VANGL1: variants seen among roughly 807,000 people sequenced by gnomAD.
The protein encoded by VANGL1 is VANGL planar cell polarity protein 1.
A neutral mutation model predicts 48.4 loss-of-function variants in VANGL1; 18 were observed. The ratio of observed to expected loss-of-function variants is 0.37; its 90% confidence interval spans 0.26 to 0.55. VANGL1 has a LOEUF of 0.55. VANGL1 is among the 20% of genes least tolerant of loss of function. The pLI is 0.81. For missense variants in VANGL1, 667 were observed against 675.8 expected (o/e 0.99, Z 0.14); for synonymous variants, 257 against 261.8 (o/e 0.98, Z 0.18).
intron 7 of VANGL1, 75 bp downstream of exon 7, chr1:115,685,602 G>A (rs1653575794): frequency 2.1e-6 from 3 of 1,418,586 alleles, no homozygotes; most frequent in African/African-American, 2.8e-5. Context: ...ATTATAGCGT[G>A]TTACTAGAAG....
intron 4 of VANGL1, among the ~76,000 whole-genome samples, chr1:115,673,861 A>G (rs1653071634): frequency 6.6e-6 from 1 of 151,878 alleles, no homozygotes; most frequent in Admixed American, 6.5e-5. Flanking sequence ...CGGCCTCCCA[A>G]AGTGCTGGGA....
intron 3 of VANGL1, among the ~76,000 whole-genome samples, chr1:115,662,318 G>A (rs1462577571): frequency 6.6e-6 from 1 of 152,042 alleles, no homozygotes; most frequent in Non-Finnish European, 1.5e-5. Flanking sequence ...TTTCTAAGTT[G>A]GTGTCCTAAT....
intron 3 of VANGL1, among the ~76,000 whole-genome samples, chr1:115,663,030 C>T (rs1195748161): frequency 1.3e-5 from 2 of 152,116 alleles, no homozygotes; most frequent in African/African-American, 4.8e-5. Context: ...CCTGATCCGT[C>T]CGCCTCGGCC....
Position 115,692,939 on chromosome 1 carries a change from C to G in VANGL1, c.*1560C>G, listed in dbSNP as rs1252350698. ...TGCTCTTTGTATGTGTGCACACCCC[C>G]TTACTCCCTTACTGCTTCATACACT... is the stretch of plus-strand genomic sequence containing the variant. On this transcript the variant is annotated 3_prime_UTR_variant, in exon 8 of 8. Coordinates refer to ENST00000355485, the MANE Select transcript of VANGL1 (RefSeq NM_138959.3). 6.6e-6 allele frequency: 1 copy of G among 152,234 alleles called. No homozygotes were observed. The highest frequency in any genetic ancestry group is 6.5e-5 in the Admixed American group (1 of 15,284). 9.4% of individuals were successfully genotyped at this position (152,234 alleles called of 1,614,324 possible).
intron 4 of VANGL1, among the ~76,000 whole-genome samples, chr1:115,669,446 C>G (rs1652897542): frequency 6.6e-6 from 1 of 152,192 alleles, no homozygotes; most frequent in East Asian, 1.9e-4. Flanking sequence ...GTGTCCCCAC[C>G]CAAATCTCAT....
In VANGL1 at chr1:115,698,178, C is replaced by T. The variant is rs1312958940; in HGVS notation, c.*6799C>T. ...TAACTGTAAAATGTTTTACACATCA[C>T]ATTTTTTATACTGTAAACTTGGAAA... On this transcript the variant is annotated 3_prime_UTR_variant, in exon 8 of 8. Coordinates refer to ENST00000355485, the MANE Select transcript of VANGL1 (RefSeq NM_138959.3). The T allele has an allele frequency of 6.6e-6, 1 of 152,202 alleles. No individual in the cohort carries two copies. The highest frequency in any genetic ancestry group is 1.5e-5 in the Non-Finnish European group (1 of 68,032). The allele number at this position is 152,202 out of a possible 1,614,324, so 9.4% of individuals were successfully genotyped here.
intron 7 of VANGL1, among the ~76,000 whole-genome samples, chr1:115,685,758 GGACAGTATGGAATAGTGATTGGA>G (rs1465669843): frequency 6.6e-6 from 1 of 152,112 alleles, no homozygotes; most frequent in Non-Finnish European, 1.5e-5. Flanking sequence ...TTCGCTTGGA[GGACAGTATGGAATAGTGATTGGA>G]GACAGTATGG....
intron 4 of VANGL1, among the ~76,000 whole-genome samples, chr1:115,668,007 C>G (rs2101010557): frequency 6.6e-6 from 1 of 152,310 alleles, no homozygotes; most frequent in Non-Finnish European, 1.5e-5. Flanking sequence ...CAGGTACCTT[C>G]TGATCTTTTA....
At position 115,691,847 on chromosome 1, in the gene VANGL1, A is replaced by G. The variant is rs548311895; in HGVS notation, c.*468A>G. ...GTTAATGTCCAGTATCACATCACCCATGAAAGTCGTGGGCAGTTCAGGAGA... is the reference window on the plus strand; with the variant it reads ...GTTAATGTCCAGTATCACATCACCCGTGAAAGTCGTGGGCAGTTCAGGAGA... On this transcript the variant is annotated 3_prime_UTR_variant, in exon 8 of 8. Coordinates refer to ENST00000355485, the MANE Select transcript of VANGL1 (RefSeq NM_138959.3). 1 of 160,412 alleles carries G rather than the reference A, an allele frequency of 6.2e-6. No individual in the cohort carries two copies. Among genetic ancestry groups the G allele is most frequent in the Admixed American group, 5.9e-5 (1 of 16,872 alleles). 9.9% of individuals were successfully genotyped at this position (160,412 alleles called of 1,614,324 possible).
intron 1 of VANGL1, among the ~76,000 whole-genome samples, chr1:115,649,442 A>C (rs926895280): frequency 1.1e-4 from 17 of 152,200 alleles, no homozygotes; most frequent in African/African-American, 4.1e-4. Context: ...GTCTGACTGC[A>C]GGTGAGCCTT....
rs545442276 is a variant in VANGL1, at chr1:115,675,986, C to T, written c.813-6378C>T. ...GCTAGGAGCTGTGTGTATATTCTAG[C>T]CACCAACCAACCCCATCACCGCTGC... On this transcript the variant is annotated intron_variant, in intron 4 of 7. Transcript: ENST00000355485. 4.6e-5 allele frequency among the ~76,000 whole-genome samples: 7 copies of T among 152,184 alleles called. No homozygotes were observed. The South Asian group carries it at 1.5e-3, about 32-fold the overall frequency.
At chr1:115,649,422 G>A (rs530894940) in intron 1 of VANGL1, among the ~76,000 whole-genome samples, 1 of 152,310 alleles carries the variant, frequency 6.6e-6, no homozygotes, top group African/African-American at 2.4e-5. Context: ...TGAGATGTGT[G>A]CTCCGTTCTG....
At chr1:115,674,575 T>G (rs1325133564) in intron 4 of VANGL1, among the ~76,000 whole-genome samples, 2 of 152,226 alleles carry the variant, frequency 1.3e-5, no homozygotes, top group Non-Finnish European at 2.9e-5. Context: ...TCTGTCAGCA[T>G]GTACCTAGGT....
At chr1:115,682,988 A>G (rs1052986681) in intron 5 of VANGL1, among the ~76,000 whole-genome samples, 4 of 152,200 alleles carry the variant, frequency 2.6e-5, no homozygotes, top group African/African-American at 7.2e-5. Context: ...GTTTCAGGGT[A>G]TCACATGGTT....
chr1:115,655,406 C>G (rs1442589014), intron 2 of VANGL1, among the ~76,000 whole-genome samples: 1 of 152,228 alleles, frequency 6.6e-6, no homozygotes, highest in Non-Finnish European at 1.5e-5. Flanking sequence ...TAAACAGATG[C>G]ATTTGCTCAC....
intron 4 of VANGL1, among the ~76,000 whole-genome samples, chr1:115,665,002 T>C (rs919730738): frequency 3.3e-5 from 5 of 152,226 alleles, no homozygotes; most frequent in African/African-American, 1.2e-4. Flanking sequence ...AATCCCTGTG[T>C]CACAGATGAA....
chr1:115,670,189 A>G (rs973583791), intron 4 of VANGL1, among the ~76,000 whole-genome samples: 2 of 152,220 alleles, frequency 1.3e-5, no homozygotes, highest in African/African-American at 2.4e-5. Context: ...AGAGCCCTCA[A>G]TAGGAACCAG....
chr1:115,650,076 AGGCTGTGGG>A (rs1652085108), intron 1 of VANGL1, among the ~76,000 whole-genome samples: 1 of 152,156 alleles, frequency 6.6e-6, no homozygotes, highest in South Asian at 2.1e-4. Flanking sequence ...CTGGGATTAG[AGGCTGTGGG>A]GGCTGTATTG....
rs1489901218 is a variant in VANGL1, at chr1:115,691,277, A to C, written c.1473A>C (p.Val491=). 1 of 1,614,204 alleles carries C rather than the reference A, an allele frequency of 6.2e-7. No individual in the cohort carries two copies. The highest frequency in any genetic ancestry group is 1.7e-5 in the Admixed American group (1 of 60,026). ...FVLKCLDFSL[V]VNVKKIPFII... Reference sequence around the variant, plus strand: ...TTAAGTGCTTGGACTTCAGCCTCGTAGTCAATGTGAAGAAAATTCCATTCA... The same window carrying C: ...TTAAGTGCTTGGACTTCAGCCTCGTCGTCAATGTGAAGAAAATTCCATTCA... Residue 491 remains valine, a synonymous_variant, in exon 8 of 8, where the codon GTA becomes GTC. Transcript: ENST00000355485.
Sources: gnomAD v4.1 joint callset for allele counts (sites outside exome capture counted in the v4.1 genomes callset) on GRCh38, gnomAD v4.1.1 for gene constraint, MANE v1.5 for transcripts, NCBI Gene and HGNC (gene_info 2026-07-23, HGNC 2026-07-21) for gene names.